MGAM2: variants seen among roughly 807,000 people sequenced by gnomAD.
MGAM2 encodes maltase-glucoamylase 2 (putative).
In MGAM2, 98 loss-of-function variants were observed where a neutral mutation model predicts 96.1. That is an observed-to-expected ratio of 1.02 (90% CI 0.87 to 1.21). MGAM2 has a LOEUF of 1.21. MGAM2 is among the 50% of genes most tolerant of loss of function. The pLI, the probability that MGAM2 is intolerant of heterozygous loss-of-function variation, is 0.00. For missense variants in MGAM2, 2,055 were observed against 1,182.4 expected (o/e 1.74, Z -10.82); for synonymous variants, 749 against 414.8 (o/e 1.81, Z -9.79).
intron 37 of MGAM2, among the ~76,000 whole-genome samples, chr7:142,190,170 T>C (rs944415778): frequency 6.6e-6 from 1 of 152,094 alleles, no homozygotes; most frequent in African/African-American, 2.4e-5. Flanking sequence ...GTTTTGAATA[T>C]GTATCTAAGA....
At position 142,148,796 on chromosome 7, in the gene MGAM2, G is replaced by A. The variant is rs901147108; in HGVS notation, c.1634+1223G>A. On this transcript the variant is annotated intron_variant, in intron 15 of 47. Transcript: ENST00000477922. The surrounding 1 kb of genome is among the most constrained non-coding windows in gnomAD (Gnocchi z 4.2). ...CCTGTTTTGGTGTTTCTAGAGCACT[G>A]TTGTGCTCTACAAGACAGGGAGACT... Among the ~76,000 whole-genome samples the A allele has an allele frequency of 3.9e-5, 6 of 152,170 alleles. No individual in the cohort carries two copies. The highest frequency in any genetic ancestry group is 1.4e-4 in the African/African-American group (6 of 41,450).
chr7:142,201,024 T>G (rs1437054998), intron 45 of MGAM2, among the ~76,000 whole-genome samples: 1 of 151,290 alleles, frequency 6.6e-6, no homozygotes, highest in African/African-American at 2.4e-5. Flanking sequence ...TGAGAGAATA[T>G]GTACAGGTTG....
intron 2 of MGAM2, among the ~76,000 whole-genome samples, chr7:142,118,179 C>T (rs898205807): frequency 4.6e-5 from 7 of 152,112 alleles, no homozygotes; most frequent in Non-Finnish European, 8.8e-5. Context: ...CCCTCTTCCC[C>T]CTAACTCCTG....
intron 29 of MGAM2, 35 bp downstream of exon 29, chr7:142,172,229 A>G: frequency 1.4e-6 from 1 of 694,898 alleles, no homozygotes; most frequent in South Asian, 1.5e-5. Flanking sequence ...GCACCACCAG[A>G]AACAGCTGTG....
At chr7:142,192,356 A>G (rs1213350136) in intron 37 of MGAM2, among the ~76,000 whole-genome samples, 1 of 152,198 alleles carries the variant, frequency 6.6e-6, no homozygotes, top group Non-Finnish European at 1.5e-5. Context: ...CCATGTCATT[A>G]TATGAAATAC....
At chr7:142,195,191 C>T (rs1234388552) in intron 37 of MGAM2, among the ~76,000 whole-genome samples, 1 of 151,882 alleles carries the variant, frequency 6.6e-6, no homozygotes, top group Non-Finnish European at 1.5e-5. Context: ...GTGCACCACC[C>T]TGCCCAGCTA....
At chr7:142,116,538 GT>G (rs1352722199) in intron 1 of MGAM2, among the ~76,000 whole-genome samples, 1 of 152,130 alleles carries the variant, frequency 6.6e-6, no homozygotes, top group Admixed American at 6.6e-5. Context: ...AATCTAAAGG[GT>G]TTTGTGAGCT....
chr7:142,132,745 C>T (rs1794933839), intron 6 of MGAM2, among the ~76,000 whole-genome samples: 1 of 120,958 alleles, frequency 8.3e-6, no homozygotes, highest in African/African-American at 3.4e-5. Context: ...TATGTAATAA[C>T]ATATAATATA....
chr7:142,154,940 A>C, intron 17 of MGAM2, 95 bp downstream of exon 17: 1 of 666,188 alleles, frequency 1.5e-6, no homozygotes, highest in Non-Finnish European at 2.7e-6. Flanking sequence ...ACAGGTTGGC[A>C]CTAACTGCAG....
At chr7:142,185,885 A>G in intron 34 of MGAM2, 104 bp from the exon 35 acceptor site, 1 of 612,134 alleles carries the variant, frequency 1.6e-6, no homozygotes, top group Non-Finnish European at 2.9e-6. Flanking sequence ...CTGAGATTAG[A>G]GCAGAGACTG....
At position 142,132,031 on chromosome 7, in the gene MGAM2, T is replaced by G; in HGVS notation, c.521T>G (p.Val174Gly). The G allele has an allele frequency of 1.4e-6, 1 of 703,076 alleles. No individual in the cohort carries two copies. 43.6% of individuals were successfully genotyped at this position (703,076 alleles called of 1,614,324 possible). The change falls in exon 6 of 48, where the codon GTT becomes GGT. Residue 174 changes from valine (V) to glycine (G), a missense_variant. By Grantham distance (109) the Val-to-Gly change is moderately radical. Transcript: ENST00000477922. ...DASNLSYYVE[V>G]TDKPFSIKIM... ...TCCAATTTGAGCTATTACGTGGAGGTTACTGATAAACCTTTCAGCATCAAA... is the reference window on the plus strand; with the variant it reads ...TCCAATTTGAGCTATTACGTGGAGGGTACTGATAAACCTTTCAGCATCAAA...
At chr7:142,159,591 A>G (rs1259948289) in intron 20 of MGAM2, among the ~76,000 whole-genome samples, 2 of 152,176 alleles carry the variant, frequency 1.3e-5, no homozygotes, top group Non-Finnish European at 2.9e-5. Flanking sequence ...GTCCAAGATC[A>G]AGGTGCTGGC....
rs1393726881 is a variant in MGAM2 at position 142,136,623 on chromosome 7, T to C, written c.830T>C (p.Met277Thr). The C allele has an allele frequency of 7.1e-6, 5 of 702,002 alleles. No individual in the cohort carries two copies. Among genetic ancestry groups the C allele is most frequent in the Non-Finnish European group, 1.3e-5 (5 of 384,234 alleles). 43.5% of individuals were successfully genotyped at this position (702,002 alleles called of 1,614,324 possible). The change falls in exon 8 of 48, where the codon ATG becomes ACG. Residue 277 changes from methionine (M) to threonine (T), a missense_variant. By Grantham distance (81) the Met-to-Thr change is moderately conservative. Transcript: ENST00000477922. ...GGCTCCTCTTTTGGAGTATTTCTGA[T>C]GAACAGTAATGCCATGGGTAGGAAG... Reference protein sequence around the residue: ...ARGSSFGVFLMNSNAMEVTLQ... With the variant: ...ARGSSFGVFLTNSNAMEVTLQ...
chr7:142,190,830 T>A (rs1796845117), intron 37 of MGAM2, among the ~76,000 whole-genome samples: 1 of 152,160 alleles, frequency 6.6e-6, no homozygotes, highest in African/African-American at 2.4e-5. Context: ...TAGAATCATT[T>A]TTTTTAATTA....
chr7:142,199,776 C>A (rs1440441029), intron 44 of MGAM2, 104 bp from the exon 45 acceptor site: 2 of 496,410 alleles, frequency 4.0e-6, no homozygotes, highest in Non-Finnish European at 7.1e-6. Context: ...ATATTTAATA[C>A]ATTTCTTTTA....
At chr7:142,179,614 A>G (rs150667471) in intron 32 of MGAM2, among the ~76,000 whole-genome samples, 1 of 152,280 alleles carries the variant, frequency 6.6e-6, no homozygotes. Flanking sequence ...TGAAATTATC[A>G]TATGGCTTTT....
Position 142,120,357 on chromosome 7 carries a change from C to T in MGAM2, c.162C>T (p.Cys54=), listed in dbSNP as rs749844708. ...PEIPQSERID[C]TPDQEVTEDI... ...TTCCCCAGTCGGAAAGGATAGACTG[C>T]ACACCTGACCAGGAGGTGACCGAGG... The change falls in exon 3 of 48, where the codon TGC becomes TGT. Residue 54 remains cysteine, a synonymous_variant. Coordinates refer to ENST00000477922, the MANE Select transcript of MGAM2 (RefSeq NM_001293626.2). 2.8e-6 allele frequency: 2 copies of T among 703,094 alleles called. No individual in the cohort carries two copies. The highest frequency in any genetic ancestry group is 5.2e-6 in the Non-Finnish European group (2 of 384,946). The allele number at this position is 703,094 out of a possible 1,614,324, so 43.6% of individuals were successfully genotyped here.
At chr7:142,170,040 C>T in intron 26 of MGAM2, 35 bp from the exon 27 acceptor site, 1 of 683,612 alleles carries the variant, frequency 1.5e-6, no homozygotes, top group Non-Finnish European at 2.7e-6. Flanking sequence ...AGGTCTGAGA[C>T]CCTAACAGAA....
chr7:142,191,049 C>T (rs1169506373), intron 37 of MGAM2, among the ~76,000 whole-genome samples: 1 of 151,978 alleles, frequency 6.6e-6, no homozygotes, highest in Non-Finnish European at 1.5e-5. Flanking sequence ...GTAGGAGGAT[C>T]TCTTGAGCCT....
Sources: allele counts gnomAD v4.1 joint callset (sites outside exome capture counted in the v4.1 genomes callset), GRCh38; gene constraint gnomAD v4.1.1; non-coding constraint Gnocchi (gnomAD v3.1); transcripts MANE v1.5; gene names NCBI Gene and HGNC (gene_info 2026-07-23, HGNC 2026-07-21).